TRAF6: variants seen among roughly 807,000 people sequenced by gnomAD.
TRAF6 encodes the protein TNF receptor associated factor 6.
A neutral mutation model predicts 48.4 loss-of-function variants in TRAF6; 10 were observed. The ratio of observed to expected loss-of-function variants is 0.21; its 90% CI spans 0.13 to 0.35. The LOEUF (loss-of-function observed/expected upper bound fraction) is 0.35. Among genes scored for constraint, TRAF6 ranks in the 10% least tolerant of loss-of-function variants. The probability of loss-of-function intolerance (pLI) is 1.00; values close to 1 mark genes in which losing one functional copy is unlikely to be tolerated. For missense variants in TRAF6, 397 were observed against 661.0 expected, an observed-to-expected ratio of 0.60 and a Z score of 4.38; for synonymous variants, 186 against 219.6, an observed-to-expected ratio of 0.85 and a Z score of 1.35.
At chr11:36,505,848 G>A (rs1430005070) in intron 1 of TRAF6, among the ~76,000 whole-genome samples, 3 of 152,152 alleles carry the variant, frequency 2.0e-5, no homozygotes, top group Non-Finnish European at 2.9e-5. Flanking sequence ...AGGGAGGCCT[G>A]AGGAGAGGGA....
At chr11:36,498,662 C>T (rs200020485) in intron 2 of TRAF6, 22 bp from the exon 3 acceptor site, 18 of 1,583,100 alleles carry the variant, frequency 1.1e-5, no homozygotes, top group Admixed American at 1.9e-5. Context: ...AAAATACACA[C>T]AATTAGATTT....
In TRAF6 at chr11:36,487,416, A is replaced by G. The variant is rs1859500616; in HGVS notation, c.*2422T>C. 2.6e-5 allele frequency: 4 copies of G among 152,262 alleles called. No individual in the cohort carries two copies. The South Asian group carries it at 8.3e-4, about 31-fold the overall frequency. The allele number at this position is 152,262 out of a possible 1,614,324, so 9.4% of individuals were successfully genotyped here. ...TTTGTAGTCAAGATGAATGACCAGC[A>G]TAAAATAACTGGCTGGTTTATGACA... On this transcript the variant is annotated 3_prime_UTR_variant, in exon 7 of 7. Transcript: ENST00000526995.
In TRAF6 at chr11:36,485,322, A is replaced by AGT. The variant is rs1483872803; in HGVS notation, c.*4514_*4515dup. Among the ~76,000 whole-genome samples the AGT allele has an allele frequency of 6.6e-6, 1 of 152,146 alleles. No individual in the cohort carries two copies. The highest frequency in any genetic ancestry group is 1.5e-5 in the Non-Finnish European group (1 of 68,038). On this transcript the variant is annotated 3_prime_UTR_variant, in exon 7 of 7. Transcript: ENST00000526995. Reference sequence around the variant, plus strand: ...ATAAATGTTCATTATTACGTATTTGAGTGTGTGCAACGTGCCAGGCACTGT... The same window carrying AGT: ...ATAAATGTTCATTATTACGTATTTGAGTGTGTGTGCAACGTGCCAGGCACTGT...
rs1175563337 is a variant in TRAF6 at position 36,510,271 on chromosome 11, C to T, written c.-246G>A. The T allele has an allele frequency of 6.5e-6, 1 of 152,916 alleles. No homozygotes were observed. Among genetic ancestry groups the T allele is most frequent in the Non-Finnish European group, 1.5e-5 (1 of 68,592 alleles). The allele number at this position is 152,916 out of a possible 1,614,324, so 9.5% of individuals were successfully genotyped here. On this transcript the variant is annotated 5_prime_UTR_variant, in exon 1 of 7. Transcript: ENST00000526995. Reference sequence around the variant, plus strand: ...GACGCCACTGCTTCCGCCTTCTCTGCTGGCTGCGGGGAGCGAGGGGCAGGG... The same window carrying T: ...GACGCCACTGCTTCCGCCTTCTCTGTTGGCTGCGGGGAGCGAGGGGCAGGG...
chr11:36,500,603 T>C lies in TRAF6; in HGVS notation c.296+617A>G, dbSNP rs542232519. Among the ~76,000 whole-genome samples the C allele has an allele frequency of 1.3e-3, 197 of 152,266 alleles. 2 individuals are homozygous for C. The South Asian group carries it at 0.017, about 13-fold the overall frequency. ...TACTAGGTCCACTCCCGCTGCTGTA[T>C]TGAGAACAGCCTGGAAGACAAGAAT... On this transcript the variant is annotated intron_variant, in intron 2 of 6. Transcript: ENST00000526995.
At chr11:36,496,588 G>GAAA in intron 4 of TRAF6, 1 of 116,270 alleles carries the variant, frequency 8.6e-6, no homozygotes, top group Non-Finnish European at 1.9e-5. Context: ...CTCAAAAAAA[G>GAAA]AAAAAAAAAA....
chr11:36,509,243 A>G (rs1859860581), intron 1 of TRAF6, among the ~76,000 whole-genome samples: 1 of 152,230 alleles, frequency 6.6e-6, no homozygotes, highest in Admixed American at 6.5e-5. Flanking sequence ...ATTAAATACC[A>G]TACAGCGAAG....
chr11:36,493,031 C>G (rs1859584539), intron 5 of TRAF6, among the ~76,000 whole-genome samples: 1 of 152,182 alleles, frequency 6.6e-6, no homozygotes, highest in African/African-American at 2.4e-5. Flanking sequence ...ACTGACTACA[C>G]CCATACTTGC....
chr11:36,509,119 C>A (rs1227957236), intron 1 of TRAF6, among the ~76,000 whole-genome samples: 2 of 152,168 alleles, frequency 1.3e-5, no homozygotes, highest in Non-Finnish European at 2.9e-5. Context: ...GAAATGATAG[C>A]GGCCAAGTTC....
At chr11:36,494,651 G>GT (rs1413121490) in intron 5 of TRAF6, among the ~76,000 whole-genome samples, 1 of 150,772 alleles carries the variant, frequency 6.6e-6, no homozygotes, top group African/African-American at 2.4e-5. Context: ...ATATATCTTA[G>GT]TTTTTTCTTT....
intron 3 of TRAF6, 142 bp from the exon 4 acceptor site, chr11:36,497,408 T>C: frequency 1.4e-6 from 1 of 704,252 alleles, no homozygotes; most frequent in Non-Finnish European, 2.1e-6. Context: ...ATTCACAATA[T>C]GAACGTCTTT....
Position 36,488,527 on chromosome 11 carries a change from C to T in TRAF6, c.*1311G>A, listed in dbSNP as rs903577541. The T allele has an allele frequency of 2.0e-5, 3 of 152,526 alleles. No homozygotes were observed. The highest frequency in any genetic ancestry group is 2.9e-5 in the Non-Finnish European group (2 of 68,022). 9.4% of individuals were successfully genotyped at this position (152,526 alleles called of 1,614,324 possible). A position where few individuals can be genotyped will look rare whatever the true frequency, so the allele number is the denominator to read the frequency against. ...TAAATGGTGGATGGATCTTTAGATC[C>T]TTTATAAGCTTATACTAGTTGCGGG... On this transcript the variant is annotated 3_prime_UTR_variant, in exon 7 of 7. Transcript: ENST00000526995.
At chr11:36,492,803 A>C (rs1859581864) in intron 5 of TRAF6, among the ~76,000 whole-genome samples, 175 bp from the exon 6 acceptor site, 1 of 152,262 alleles carries the variant, frequency 6.6e-6, no homozygotes, top group Non-Finnish European at 1.5e-5. Context: ...TTCAAAAGTT[A>C]TAGAGAAAGG....
chr11:36,491,104 C>A (rs1047340002), intron 6 of TRAF6, among the ~76,000 whole-genome samples: 3 of 152,096 alleles, frequency 2.0e-5, no homozygotes, highest in African/African-American at 4.8e-5. Flanking sequence ...CAAAAAAGGA[C>A]AAACCTCTCT....
At chr11:36,505,441 G>C (rs1859772362) in intron 1 of TRAF6, among the ~76,000 whole-genome samples, 1 of 152,020 alleles carries the variant, frequency 6.6e-6, no homozygotes, top group Non-Finnish European at 1.5e-5. Context: ...CTTTTCTTTT[G>C]CAGCTTCCTC....
rs2133685067 is a variant in TRAF6 at position 36,510,171 on chromosome 11, T to C, written c.-146A>G. 6.6e-6 allele frequency: 1 copy of C among 152,436 alleles called. No individual in the cohort carries two copies. Among genetic ancestry groups the C allele is most frequent in the Non-Finnish European group, 1.5e-5 (1 of 68,172 alleles). 9.4% of individuals were successfully genotyped at this position (152,436 alleles called of 1,614,324 possible). On this transcript the variant is annotated 5_prime_UTR_variant, in exon 1 of 7. Transcript: ENST00000526995. ...CACTGCGCGCCGAGACGAGGCTGCTTGGACGGCAAACTCTGGATCCAGTGG... is the reference window on the plus strand; with the variant it reads ...CACTGCGCGCCGAGACGAGGCTGCTCGGACGGCAAACTCTGGATCCAGTGG...
intron 2 of TRAF6, 39 bp downstream of exon 2, chr11:36,501,181 T>C (rs1245189324): frequency 6.7e-7 from 1 of 1,496,380 alleles, no homozygotes; most frequent in African/African-American, 1.4e-5. Context: ...CTGCATCTGG[T>C]TCTGTTATAG....
intron 2 of TRAF6, among the ~76,000 whole-genome samples, chr11:36,499,042 T>C (rs1414907489): frequency 6.6e-6 from 1 of 152,210 alleles, no homozygotes; most frequent in Non-Finnish European, 1.5e-5. Context: ...ACAGTACCAA[T>C]AACATGTCTA....
chr11:36,492,432 T>C lies in TRAF6; in HGVS notation c.756+119A>G, dbSNP rs149559476. 66 of 842,926 alleles carry C rather than the reference T, an allele frequency of 7.8e-5. No homozygotes were observed. The East Asian group carries it at 1.7e-3, about 21-fold the overall frequency. The allele number at this position is 842,926 out of a possible 1,614,324, so 52.2% of individuals were successfully genotyped here. A position where few individuals can be genotyped will look rare whatever the true frequency, so the allele number is the denominator to read the frequency against. ...TCACAGCATCCATGAATAACTCTAT[T>C]ATATCACTTATTACACTGCTTTACA... On this transcript the variant is annotated intron_variant, in intron 6 of 6. Coordinates refer to ENST00000526995, the MANE Select transcript of TRAF6 (RefSeq NM_004620.4).
Sources: allele counts gnomAD v4.1 joint callset (sites outside exome capture counted in the v4.1 genomes callset), GRCh38; gene constraint gnomAD v4.1.1; transcripts MANE v1.5; gene names NCBI Gene and HGNC (gene_info 2026-07-23, HGNC 2026-07-21).